The following PTPRK variants were observed in gnomAD, a reference collection of about 807,000 sequenced individuals.
The protein encoded by PTPRK is protein tyrosine phosphatase receptor type K.
A neutral mutation model predicts 178.0 loss-of-function variants in PTPRK; 75 were observed. The ratio of observed to expected loss-of-function variants is 0.42; its 90% CI spans 0.35 to 0.51. The LOEUF (loss-of-function observed/expected upper bound fraction) is 0.51, where lower values mean the gene tolerates loss of function less well. Ranked by LOEUF, PTPRK falls within the 20% of genes least tolerant of loss-of-function variation. The pLI, the probability that PTPRK is intolerant of heterozygous loss-of-function variation, is 0.02. For missense variants in PTPRK, 1,441 were observed against 1,797.8 expected (o/e 0.80, Z 3.59); for synonymous variants, 637 against 620.6 (o/e 1.03, Z -0.39).
At chr6:128,131,095 GT>G (rs1234927591) in intron 7 of PTPRK, among the ~76,000 whole-genome samples, 1 of 152,190 alleles carries the variant, frequency 6.6e-6, no homozygotes, top group East Asian at 1.9e-4. Flanking sequence ...ATTGAAAGGG[GT>G]GTGGTACATT....
chr6:128,118,023 A>G (rs1791838583), intron 7 of PTPRK, among the ~76,000 whole-genome samples: 1 of 152,200 alleles, frequency 6.6e-6, no homozygotes, highest in African/African-American at 2.4e-5. Context: ...AAGAACCAAT[A>G]AATGCACAAA....
chr6:128,427,170 T>C (rs1264226921), intron 1 of PTPRK, among the ~76,000 whole-genome samples: 1 of 152,146 alleles, frequency 6.6e-6, no homozygotes, highest in Non-Finnish European at 1.5e-5. Flanking sequence ...CGCCAGAGAG[T>C]GCTTATGTGC....
intron 7 of PTPRK, among the ~76,000 whole-genome samples, chr6:128,160,349 T>G (rs1232770978): frequency 1.3e-5 from 2 of 151,602 alleles, no homozygotes; most frequent in African/African-American, 2.4e-5. Flanking sequence ...CAGAAGACAT[T>G]AGGAAACAAA....
chr6:128,470,507 C>G (rs1850480629), intron 1 of PTPRK, among the ~76,000 whole-genome samples: 1 of 152,094 alleles, frequency 6.6e-6, no homozygotes. Context: ...CTAACAAAGT[C>G]TCTGCTTTAC....
At chr6:128,029,681 A>ATC in intron 13 of PTPRK, among the ~76,000 whole-genome samples, 1 of 145,228 alleles carries the variant, frequency 6.9e-6, no homozygotes, top group Non-Finnish European at 1.5e-5. Context: ...TAATAATAAT[A>ATC]ATAATAATCC....
chr6:128,322,348 T>G (rs757201400), intron 2 of PTPRK, 38 bp from the exon 3 acceptor site: 11 of 1,504,332 alleles, frequency 7.3e-6, no homozygotes, highest in Non-Finnish European at 1.0e-5. Context: ...TAAAGAGATA[T>G]ATAAGCAAAG....
intron 5 of PTPRK, among the ~76,000 whole-genome samples, chr6:128,233,531 T>G (rs1812667150): frequency 6.6e-6 from 1 of 152,196 alleles, no homozygotes. Flanking sequence ...TTTACTGATT[T>G]CACTCTCCAA....
intron 15 of PTPRK, among the ~76,000 whole-genome samples, chr6:128,002,109 T>C (rs1777897472): frequency 6.6e-6 from 1 of 151,488 alleles, no homozygotes; most frequent in Non-Finnish European, 1.5e-5. Context: ...TTTTAGAATA[T>C]ATATCCTTTA....
intron 1 of PTPRK, among the ~76,000 whole-genome samples, chr6:128,439,084 A>G (rs1336120860): frequency 6.6e-6 from 1 of 152,226 alleles, no homozygotes; most frequent in Non-Finnish European, 1.5e-5. Flanking sequence ...TGTTTTTAAA[A>G]AAACGGAAAA....
intron 1 of PTPRK, among the ~76,000 whole-genome samples, chr6:128,461,852 A>G (rs1289930357): frequency 6.6e-6 from 1 of 152,232 alleles, no homozygotes; most frequent in African/African-American, 2.4e-5. Context: ...ATATAGAACA[A>G]GGTCTATTTT....
At chr6:128,096,897 T>C (rs1788004059) in intron 7 of PTPRK, among the ~76,000 whole-genome samples, 2 of 152,114 alleles carry the variant, frequency 1.3e-5, no homozygotes, top group South Asian at 4.1e-4. Flanking sequence ...AAGAAAACAG[T>C]GCTGCACCTT....
At chr6:128,506,248 TG>T (rs1856318713) in intron 1 of PTPRK, among the ~76,000 whole-genome samples, 1 of 152,206 alleles carries the variant, frequency 6.6e-6, no homozygotes, top group African/African-American at 2.4e-5. Context: ...TAATACTTAC[TG>T]GGATGGGCAC....
At chr6:128,066,242 A>G (rs2114935735) in intron 12 of PTPRK, among the ~76,000 whole-genome samples, 1 of 152,320 alleles carries the variant, frequency 6.6e-6, no homozygotes, top group East Asian at 1.9e-4. Flanking sequence ...ATGGAATGAT[A>G]TGTAGGCAGA....
chr6:128,057,280 A>T (rs1482299178), intron 13 of PTPRK, among the ~76,000 whole-genome samples: 1 of 152,216 alleles, frequency 6.6e-6, no homozygotes, highest in Non-Finnish European at 1.5e-5. Flanking sequence ...AAAAGAGTTA[A>T]CGTAGCAGGA....
chr6:128,517,828 C>T (rs974890872), intron 1 of PTPRK, among the ~76,000 whole-genome samples: 1 of 152,124 alleles, frequency 6.6e-6, no homozygotes, highest in East Asian at 1.9e-4. Flanking sequence ...AAATTCTCAA[C>T]ATGAATTTGT....
chr6:128,480,478 C>G (rs1851934423), intron 1 of PTPRK, among the ~76,000 whole-genome samples: 1 of 152,136 alleles, frequency 6.6e-6, no homozygotes, highest in African/African-American at 2.4e-5. Flanking sequence ...TCCACCATAT[C>G]TCCGTGCTCT....
rs912914794 is a variant in PTPRK at position 128,067,931 on chromosome 6, C to G, written c.1884-139G>C. On this transcript the variant is annotated intron_variant, in intron 11 of 29. Transcript: ENST00000368226. Reference sequence around the variant, plus strand: ...TTAAAGTTAGTCTTAACCTGGTATACTCTTTTCAGCTATTTCGCAATAAAA... The same window carrying G: ...TTAAAGTTAGTCTTAACCTGGTATAGTCTTTTCAGCTATTTCGCAATAAAA... 4 of 686,870 alleles carry G rather than the reference C, an allele frequency of 5.8e-6. No homozygotes were observed. The African/African-American group carries it at 7.4e-5, about 13-fold the overall frequency. 42.5% of individuals were successfully genotyped at this position (686,870 alleles called of 1,614,324 possible).
At chr6:128,415,616 G>T (rs1584607404) in intron 1 of PTPRK, among the ~76,000 whole-genome samples, 1 of 152,258 alleles carries the variant, frequency 6.6e-6, no homozygotes, top group East Asian at 1.9e-4. Flanking sequence ...AGAGAGAACA[G>T]GCTGGAGCCA....
chr6:128,137,371 C>T (rs905289485), intron 7 of PTPRK, among the ~76,000 whole-genome samples: 51 of 152,156 alleles, frequency 3.4e-4, no homozygotes, highest in African/African-American at 1.2e-3. Flanking sequence ...GGGGGATAAG[C>T]ATGTAGGATA....
Sources: gnomAD v4.1 joint callset for allele counts (sites outside exome capture counted in the v4.1 genomes callset) on GRCh38, gnomAD v4.1.1 for gene constraint, MANE v1.5 for transcripts, NCBI Gene and HGNC (gene_info 2026-07-23, HGNC 2026-07-21) for gene names.